DNAAF5: variants seen among roughly 807,000 people sequenced by gnomAD.
DNAAF5 encodes dynein axonemal assembly factor 5, also known as HEAT repeat containing 2.
A neutral mutation model predicts 75.8 loss-of-function variants in DNAAF5; 64 were observed. The ratio of observed to expected loss-of-function variants is 0.84; its 90% CI spans 0.69 to 1.04. DNAAF5 has a LOEUF of 1.04. Among genes scored for constraint, DNAAF5 ranks in the 50% least tolerant of loss-of-function variants. DNAAF5 has a pLI of 0.00. For synonymous variants in DNAAF5, 657 were observed against 557.2 expected (o/e 1.18, Z -2.52); for missense variants, 1,269 against 1,178.5 (o/e 1.08, Z -1.12).
intron 8 of DNAAF5, chr7:769,281 G>A (rs930336036): frequency 4.3e-6 from 3 of 705,484 alleles, no homozygotes; most frequent in African/African-American, 1.7e-5. Flanking sequence ...CTCCTTCTGC[G>A]GCCCCAACCC....
intron 12 of DNAAF5, among the ~76,000 whole-genome samples, chr7:784,015 GCCGCCCCCA>G (rs1481062408): frequency 7.8e-5 from 4 of 51,122 alleles, no homozygotes; most frequent in Admixed American, 6.1e-4. Context: ...TGCCCTGTAC[GCCGCCCCCA>G]CCTCCCCCAC....
At chr7:737,652 T>C (rs1781778226) in intron 2 of DNAAF5, among the ~76,000 whole-genome samples, 1 of 152,244 alleles carries the variant, frequency 6.6e-6, no homozygotes, top group South Asian at 2.1e-4. Context: ...TGGGAAAGTC[T>C]GTCTCCTTCA....
rs1781938881 is a variant in DNAAF5 at position 742,412 on chromosome 7, CGCCCAGCTCAAATCACAT to C, written c.1024+963_1024+980del. Among the ~76,000 whole-genome samples the C allele has an allele frequency of 2.7e-5, 3 of 112,228 alleles. 1 individual carries two copies. In the South Asian group the frequency reaches 1.2e-3, roughly 45 times the overall value. 73.6% of individuals were successfully genotyped at this position (112,228 alleles called of 152,430 possible). A position where few individuals can be genotyped will look rare whatever the true frequency, so the allele number is the denominator to read the frequency against. ...ATCAGATGCCCAGCCCAAATCAAGA[CGCCCAGCTCAAATCACAT>C]GCCCAGCTCAAATCAATCATGCCCA... On this transcript the variant is annotated intron_variant, in intron 4 of 12. Coordinates refer to ENST00000297440, the MANE Select transcript of DNAAF5 (RefSeq NM_017802.4).
intron 12 of DNAAF5, among the ~76,000 whole-genome samples, chr7:784,352 C>A (rs1476939411): frequency 6.6e-6 from 1 of 152,190 alleles, no homozygotes; most frequent in Non-Finnish European, 1.5e-5. Context: ...GGGCCGCTAC[C>A]CCCCTCCCTG....
chr7:742,606 C>T lies in DNAAF5; in HGVS notation c.1024+1141C>T, dbSNP rs910502492. Among the ~76,000 whole-genome samples the T allele has an allele frequency of 1.2e-4, 15 of 123,250 alleles. 2 individuals are homozygous for T. The highest frequency in any genetic ancestry group is 2.0e-4 in the Non-Finnish European group (11 of 56,098). 80.9% of individuals were successfully genotyped at this position (123,250 alleles called of 152,430 possible). ...AATCAGATGCCCAGCCCAAATCAGA[C>T]GCCCAGCTCAAATCACATGCCCAGC... On this transcript the variant is annotated intron_variant, in intron 4 of 12. Transcript: ENST00000297440.
At chr7:759,721 A>G (rs542747549) in intron 6 of DNAAF5, among the ~76,000 whole-genome samples, 2 of 152,296 alleles carry the variant, frequency 1.3e-5, no homozygotes, top group South Asian at 2.1e-4. Flanking sequence ...TCACTTCCTC[A>G]GAGACGGTGC....
rs1004129114 is a variant in DNAAF5, at chr7:754,379, G to A, written c.1025-210G>A. 6.6e-6 allele frequency among the ~76,000 whole-genome samples: 1 copy of A among 152,156 alleles called. No homozygotes were observed. Among genetic ancestry groups the A allele is most frequent in the African/African-American group, 2.4e-5 (1 of 41,440 alleles). Reference sequence around the variant, plus strand: ...GGGCTCTAGTGATCCACCTGCCTTGGCCTCCACAGGGCTAGGACTGCAGCC... The same window carrying A: ...GGGCTCTAGTGATCCACCTGCCTTGACCTCCACAGGGCTAGGACTGCAGCC... On this transcript the variant is annotated intron_variant, in intron 4 of 12. Coordinates refer to ENST00000297440, the MANE Select transcript of DNAAF5 (RefSeq NM_017802.4). This position sits in a 1 kb window ranked among gnomAD's most constrained non-coding sequence, Gnocchi z 4.8.
chr7:775,511 GGTGT>G (rs10582414), intron 11 of DNAAF5, among the ~76,000 whole-genome samples: 60,800 of 150,460 alleles, frequency 0.4, 12,381 homozygotes, highest in East Asian at 0.58. Flanking sequence ...TAAAAGTAGG[GGTGT>G]GTGTGTGTGT....
At chr7:737,085 T>C in intron 2 of DNAAF5, among the ~76,000 whole-genome samples, 1 of 152,080 alleles carries the variant, frequency 6.6e-6, no homozygotes, top group African/African-American at 2.4e-5. Flanking sequence ...TATTTTTATT[T>C]ATTTATTTAT....
At chr7:767,592 C>G (rs977024143) in intron 8 of DNAAF5, among the ~76,000 whole-genome samples, 1 of 151,952 alleles carries the variant, frequency 6.6e-6, no homozygotes, top group East Asian at 1.9e-4. Context: ...TTATCCTAAG[C>G]CTTTATAGCA....
Position 766,895 on chromosome 7 carries a change from T to C in DNAAF5, c.1783+2921T>C, listed in dbSNP as rs1373299111. ...AGAATTAATACAACTAATAAGCAAATAGAGTGGGAACTATCCAGCCCTTCT... is the reference window on the plus strand; with the variant it reads ...AGAATTAATACAACTAATAAGCAAACAGAGTGGGAACTATCCAGCCCTTCT... On this transcript the variant is annotated intron_variant, in intron 8 of 12. Transcript: ENST00000297440. Among the ~76,000 whole-genome samples, 3 of 151,898 alleles carry C rather than the reference T, an allele frequency of 2.0e-5. No individual in the cohort carries two copies. The East Asian group carries it at 5.8e-4, about 29-fold the overall frequency.
At chr7:784,580 T>TCA (rs1191011299) in intron 12 of DNAAF5, among the ~76,000 whole-genome samples, 2 of 151,926 alleles carry the variant, frequency 1.3e-5, no homozygotes, top group Non-Finnish European at 2.9e-5. Context: ...ACTGCCCCCA[T>TCA]CACACACACC....
chr7:773,509 G>A (rs77967361), intron 9 of DNAAF5, among the ~76,000 whole-genome samples: 68 of 152,322 alleles, frequency 4.5e-4, no homozygotes, highest in African/African-American at 1.4e-3. Context: ...GGAACTGCCC[G>A]TCTCTCTGAG....
intron 4 of DNAAF5, among the ~76,000 whole-genome samples, chr7:744,341 G>T (rs888587427): frequency 1.9e-4 from 29 of 151,962 alleles, no homozygotes; most frequent in Non-Finnish European, 3.8e-4. Context: ...GTCTATCATT[G>T]TTGGACATTT....
At position 727,097 on chromosome 7, in the gene DNAAF5, C is replaced by T. The variant is rs1781342040; in HGVS notation, c.377C>T (p.Ala126Val). The change falls in exon 1 of 13, where the codon GCC becomes GTC. Residue 126 changes from alanine to valine, a missense_variant. Physicochemically the swap from Ala to Val is moderately conservative, Grantham distance 64. Coordinates refer to ENST00000297440, the MANE Select transcript of DNAAF5 (RefSeq NM_017802.4). ...RLLPALAARL[A>V]GPVPARRPPE... The stretch of plus-strand genomic sequence containing the variant: ...CTGCCCGCGCTCGCCGCGCGCTTGG[C>T]CGGCCCCGTGCCCGCGCGCCGCCCG... 8 of 1,068,924 alleles carry T rather than the reference C, an allele frequency of 7.5e-6. No individual in the cohort carries two copies. The South Asian group carries it at 1.3e-4, about 17-fold the overall frequency. 66.2% of individuals were successfully genotyped at this position (1,068,924 alleles called of 1,614,324 possible).
At chr7:739,475 T>A (rs148064201) in intron 2 of DNAAF5, among the ~76,000 whole-genome samples, 3 of 152,204 alleles carry the variant, frequency 2.0e-5, no homozygotes, top group African/African-American at 7.2e-5. Flanking sequence ...TGGGTTTCTC[T>A]TAGTTGTTAT....
chr7:758,021 A>G (rs1782541391), intron 6 of DNAAF5, among the ~76,000 whole-genome samples: 1 of 152,230 alleles, frequency 6.6e-6, no homozygotes, highest in African/African-American at 2.4e-5. Flanking sequence ...CAGTTCCTGG[A>G]ATACATAGAG....
chr7:781,083 A>G (rs1251797491), intron 12 of DNAAF5, among the ~76,000 whole-genome samples: 1 of 152,090 alleles, frequency 6.6e-6, no homozygotes, highest in African/African-American at 2.4e-5. Flanking sequence ...GTGATAAATT[A>G]TTGTTGACCA....
At chr7:756,682 TG>T in intron 5 of DNAAF5, 99 bp from the exon 6 acceptor site, 1 of 1,035,724 alleles carries the variant, frequency 9.7e-7, no homozygotes, top group South Asian at 1.4e-5. Flanking sequence ...GGGCTCTGTC[TG>T]GTGCACGGCT....
Sources: allele counts gnomAD v4.1 joint callset (sites outside exome capture counted in the v4.1 genomes callset), GRCh38; gene constraint gnomAD v4.1.1; non-coding constraint Gnocchi (gnomAD v3.1); transcripts MANE v1.5; gene names NCBI Gene and HGNC (gene_info 2026-07-23, HGNC 2026-07-21).